CNTN5: variants seen among roughly 807,000 people sequenced by gnomAD.
CNTN5 encodes contactin-5.
Under a neutral mutation model 129.1 loss-of-function variants are expected in CNTN5, and 77 were observed. The ratio of observed to expected loss-of-function variants is 0.60; its 90% CI spans 0.50 to 0.72. CNTN5 has a LOEUF of 0.72. CNTN5 is among the 30% of genes least tolerant of loss of function. The pLI is 0.00. For missense variants in CNTN5, 1,478 were observed against 1,328.8 expected (o/e 1.11, Z -1.75); for synonymous variants, 509 against 465.6 (o/e 1.09, Z -1.20).
intron 3 of CNTN5, among the ~76,000 whole-genome samples, chr11:99,809,087 G>A (rs1372590548): frequency 1.3e-5 from 2 of 152,164 alleles, no homozygotes; most frequent in Admixed American, 6.5e-5. Flanking sequence ...ATCTGCCCAA[G>A]ATAGTACCCA....
At chr11:99,421,785 GT>G (rs1460307782) in intron 2 of CNTN5, among the ~76,000 whole-genome samples, 1 of 151,908 alleles carries the variant, frequency 6.6e-6, no homozygotes, top group Non-Finnish European at 1.5e-5. Context: ...TTGAGTAAAT[GT>G]TTTGGTTTCT....
At chr11:99,330,261 GAGAC>G (rs150705446) in intron 2 of CNTN5, among the ~76,000 whole-genome samples, 11,793 of 150,436 alleles carry the variant, frequency 0.078, 561 homozygotes, top group Middle Eastern at 0.11. Context: ...GGGAAGGAGA[GAGAC>G]AGAGTAAGGG....
chr11:99,501,937 G>C lies in CNTN5; in HGVS notation c.-70-54208G>C, dbSNP rs191298328. Among the ~76,000 whole-genome samples, 4 of 152,282 alleles carry C rather than the reference G, an allele frequency of 2.6e-5. No individual in the cohort carries two copies. The East Asian group carries it at 7.7e-4, about 29-fold the overall frequency. Reference sequence around the variant, plus strand: ...TTTTCCATCTTTTATTAGCGTAAATGATTGTCATCATAATCAGGTCATCAA... The same window carrying C: ...TTTTCCATCTTTTATTAGCGTAAATCATTGTCATCATAATCAGGTCATCAA... On this transcript the variant is annotated intron_variant, in intron 2 of 24. Coordinates refer to ENST00000524871, the MANE Select transcript of CNTN5 (RefSeq NM_014361.4).
intron 13 of CNTN5, among the ~76,000 whole-genome samples, chr11:100,084,308 A>G (rs1168598729): frequency 6.6e-6 from 1 of 152,104 alleles, no homozygotes; most frequent in Non-Finnish European, 1.5e-5. Context: ...TCAAGCATCT[A>G]AGTATATGCT....
intron 2 of CNTN5, among the ~76,000 whole-genome samples, chr11:99,524,185 C>A (rs2135449022): frequency 1.3e-5 from 2 of 152,240 alleles, no homozygotes; most frequent in Admixed American, 1.3e-4. Context: ...ATCACAGTTT[C>A]TGGTCTGGGT....
chr11:99,053,207 G>C (rs903393472), intron 1 of CNTN5, among the ~76,000 whole-genome samples: 2 of 151,822 alleles, frequency 1.3e-5, no homozygotes, highest in African/African-American at 4.8e-5. Context: ...GATTATTTCT[G>C]TTTAGAATCT....
intron 3 of CNTN5, among the ~76,000 whole-genome samples, chr11:99,765,756 G>A (rs1944732582): frequency 6.6e-6 from 1 of 151,446 alleles, no homozygotes. Flanking sequence ...GGTGAGATAT[G>A]AGTCCTAGAG....
At chr11:99,890,480 C>G (rs368741786) in intron 6 of CNTN5, among the ~76,000 whole-genome samples, 4 of 151,264 alleles carry the variant, frequency 2.6e-5, no homozygotes, top group East Asian at 3.9e-4. Context: ...TGAATATGTA[C>G]ATATGTATTC....
rs76212006 is a variant in CNTN5, at chr11:99,673,382, A to G, written c.55+117113A>G. 3.4e-3 allele frequency among the ~76,000 whole-genome samples: 515 copies of G among 152,324 alleles called. 2 individuals are homozygous for G. The highest frequency in any genetic ancestry group is 0.01 in the African/African-American group (429 of 41,576). On this transcript the variant is annotated intron_variant, in intron 3 of 24. Transcript: ENST00000524871. ...ATAATAAGAATGATTATACAGAGTC[A>G]TGGTACGGATTCAATGACTTCTGTA...
chr11:100,328,747 C>T (rs1951840139), intron 21 of CNTN5, among the ~76,000 whole-genome samples: 1 of 152,018 alleles, frequency 6.6e-6, no homozygotes, highest in African/African-American at 2.4e-5. Context: ...AAATCCAAAC[C>T]ATATCAGACC....
chr11:99,903,740 T>G (rs72992807), intron 6 of CNTN5, among the ~76,000 whole-genome samples: 5,815 of 152,292 alleles, frequency 0.038, 176 homozygotes, highest in Non-Finnish European at 0.055. Flanking sequence ...AATATAATTT[T>G]TTTAGAGAGA....
chr11:99,588,065 C>T (rs1391481645), intron 3 of CNTN5, among the ~76,000 whole-genome samples: 3 of 152,114 alleles, frequency 2.0e-5, no homozygotes, highest in Admixed American at 6.5e-5. Flanking sequence ...GACCACCGGC[C>T]GGGCGCAGTG....
chr11:99,454,863 A>G (rs1944439942), intron 2 of CNTN5, among the ~76,000 whole-genome samples: 1 of 152,160 alleles, frequency 6.6e-6, no homozygotes, highest in African/African-American at 2.4e-5. Flanking sequence ...ATCACAGTCT[A>G]TCTGTGCTCT....
intron 2 of CNTN5, among the ~76,000 whole-genome samples, chr11:99,532,907 T>G (rs1194276972): frequency 1.3e-5 from 2 of 152,200 alleles, no homozygotes. Context: ...ACAATCCAGT[T>G]GATAGATTGT....
intron 23 of CNTN5, among the ~76,000 whole-genome samples, chr11:100,347,906 G>C (rs1192213876): frequency 1.3e-5 from 2 of 151,908 alleles, no homozygotes; most frequent in Admixed American, 6.6e-5. Flanking sequence ...AATTTATTCT[G>C]TCATATTTTT....
intron 3 of CNTN5, among the ~76,000 whole-genome samples, chr11:99,676,592 A>G (rs939396549): frequency 3.3e-5 from 5 of 152,196 alleles, no homozygotes; most frequent in African/African-American, 1.2e-4. Flanking sequence ...CAGACTTTGA[A>G]TCTGCATTAC....
chr11:100,013,481 G>A (rs962923902), intron 9 of CNTN5, among the ~76,000 whole-genome samples: 1 of 152,136 alleles, frequency 6.6e-6, no homozygotes, highest in Non-Finnish European at 1.5e-5. Context: ...TAACCAAAAA[G>A]TTGTCAACAA....
intron 1 of CNTN5, among the ~76,000 whole-genome samples, chr11:99,319,188 A>C (rs1284176318): frequency 6.6e-6 from 1 of 152,216 alleles, no homozygotes; most frequent in Non-Finnish European, 1.5e-5. Flanking sequence ...ACTGATACTT[A>C]ATATGTGTGT....
intron 9 of CNTN5, among the ~76,000 whole-genome samples, chr11:100,051,763 A>C (rs953417280): frequency 6.6e-6 from 1 of 151,960 alleles, no homozygotes; most frequent in African/African-American, 2.4e-5. Flanking sequence ...AAGAGGAAAC[A>C]TCACTACGTC....
Sources: allele counts gnomAD v4.1 joint callset (sites outside exome capture counted in the v4.1 genomes callset), GRCh38; gene constraint gnomAD v4.1.1; transcripts MANE v1.5; gene names NCBI Gene and HGNC (gene_info 2026-07-23, HGNC 2026-07-21).